SHBG: variants seen among roughly 807,000 people sequenced by gnomAD.
SHBG encodes the protein sex hormone-binding globulin.
SHBG carries 37 observed loss-of-function variants against 41.9 expected under a neutral mutation model. The ratio of observed to expected loss-of-function variants is 0.88; its 90% CI spans 0.68 to 1.16. SHBG has a LOEUF of 1.16. Among genes scored for constraint, SHBG ranks in the 50% most tolerant of loss-of-function variants. SHBG has a pLI of 0.00. For synonymous variants in SHBG, 217 were observed against 205.8 expected, an observed-to-expected ratio of 1.05 and a Z score of -0.47; for missense variants, 466 against 499.9, an observed-to-expected ratio of 0.93 and a Z score of 0.65.
chr17:7,618,222 C>CA (rs796397438), intron 1 of SHBG, among the ~76,000 whole-genome samples: 123 of 144,100 alleles, frequency 8.5e-4, no homozygotes, highest in African/African-American at 1.8e-3. Flanking sequence ...GATTCTGTCT[C>CA]AAAAAAAAAA....
intron 1 of SHBG, chr17:7,614,706 G>A (rs2071930295): frequency 3.3e-6 from 1 of 306,750 alleles, no homozygotes; most frequent in Non-Finnish European, 5.9e-6. Context: ...AGGGGGCCGG[G>A]GCCGGGCCGC....
At chr17:7,631,534 C>A in intron 4 of SHBG, 55 bp from the exon 5 acceptor site, 3 of 1,602,810 alleles carry the variant, frequency 1.9e-6, no homozygotes, top group Non-Finnish European at 2.6e-6. Flanking sequence ...GTCGGGACTG[C>A]GGCTCCGATG....
At chr17:7,615,899 G>C (rs2071975685) in intron 1 of SHBG, among the ~76,000 whole-genome samples, 1 of 151,908 alleles carries the variant, frequency 6.6e-6, no homozygotes, top group South Asian at 2.1e-4. Context: ...GACGGGCGCT[G>C]TGGCTCACTC....
chr17:7,631,288 CCAG>C lies in SHBG; in HGVS notation c.485_487del (p.Ser162del). On this transcript the variant is annotated inframe_deletion, in exon 4 of 8. Transcript: ENST00000380450. ...CTGAGACAGGTCTCTGGGCCCCTGA[CCAG>C]CAAACGCCATCCCATCATGAGGATT... 6.2e-7 allele frequency: 1 copy of C among 1,613,746 alleles called. No homozygotes were observed. The highest frequency in any genetic ancestry group is 8.5e-7 in the Non-Finnish European group (1 of 1,179,882).
upstream of SHBG, chr17:7,626,559 T>G (rs747915418): frequency 6.2e-7 from 1 of 1,614,202 alleles, no homozygotes; most frequent in Non-Finnish European, 8.5e-7. Flanking sequence ...CATGGCCCTC[T>G]GGTTCCAGTC....
At position 7,630,446 on chromosome 17, in the gene SHBG, A is replaced by G. The variant is rs769632350; in HGVS notation, c.142A>G (p.Ser48Gly). 1 of 1,614,082 alleles carries G rather than the reference A, an allele frequency of 6.2e-7. No individual in the cohort carries two copies. The highest frequency in any genetic ancestry group is 8.5e-7 in the Non-Finnish European group (1 of 1,180,014). ...SAHDPPAVHL[S>G]NGPGQEPIAV... Reference sequence around the variant, plus strand: ...CCACGACCCTCCGGCTGTCCACCTCAGCAATGGCCCAGGACAAGAGCCTAT... The same window carrying G: ...CCACGACCCTCCGGCTGTCCACCTCGGCAATGGCCCAGGACAAGAGCCTAT... Residue 48 changes from serine to glycine, a missense_variant, in exon 2 of 8, where the codon AGC becomes GGC. Ser to Gly is a moderately conservative substitution (Grantham distance 56, BLOSUM62 0). Transcript: ENST00000380450. The surrounding 1 kb of genome is among the most constrained non-coding windows in gnomAD (Gnocchi z 4.6).
At chr17:7,624,974 A>T (rs1183420008), upstream of SHBG, among the ~76,000 whole-genome samples, 9 of 60,072 alleles carry the variant, frequency 1.5e-4, no homozygotes, top group East Asian at 1.7e-3. Flanking sequence ...TTGGAGATGG[A>T]GTTTTGCTCT....
At chr17:7,626,346 A>C, upstream of SHBG, 1 of 1,337,554 alleles carries the variant, frequency 7.5e-7, no homozygotes, top group Non-Finnish European at 1.0e-6. Flanking sequence ...TCCTTCCTCC[A>C]GGGAGGCCTC....
At chr17:7,620,809 T>G (rs1056577050) in intron 1 of SHBG, among the ~76,000 whole-genome samples, 5 of 151,774 alleles carry the variant, frequency 3.3e-5, no homozygotes, top group Admixed American at 3.3e-4. Context: ...TTTTTTGTAT[T>G]TAGTAGAGAC....
rs557672512 is a variant in SHBG, at chr17:7,632,669, G to T, written c.853-83G>T. ...GGCATAGCGAAGAGGCAGAATTAAGGCAGCTAGGGGTGAGGCCACAGGCAG... is the reference window on the plus strand; with the variant it reads ...GGCATAGCGAAGAGGCAGAATTAAGTCAGCTAGGGGTGAGGCCACAGGCAG... On this transcript the variant is annotated intron_variant, in intron 6 of 7. Transcript: ENST00000380450. 5 of 1,048,914 alleles carry T rather than the reference G, an allele frequency of 4.8e-6. No homozygotes were observed. In the African/African-American group the frequency reaches 6.2e-5, roughly 13 times the overall value. The allele number at this position is 1,048,914 out of a possible 1,614,324, so 65.0% of individuals were successfully genotyped here.
intron 1 of SHBG, among the ~76,000 whole-genome samples, chr17:7,620,176 T>C (rs1053432896): frequency 6.6e-6 from 1 of 151,106 alleles, no homozygotes; most frequent in Non-Finnish European, 1.5e-5. Flanking sequence ...CAAGAAGTGG[T>C]AATACTGGCC....
At chr17:7,627,258 G>C, upstream of SHBG, 1 of 1,613,440 alleles carries the variant, frequency 6.2e-7, no homozygotes, top group Non-Finnish European at 8.5e-7. This position sits in a 1 kb window ranked among gnomAD's most constrained non-coding sequence, Gnocchi z 4.8. Context: ...CAAAGAGATA[G>C]AGAAAGAGGA....
upstream of SHBG, chr17:7,626,327 C>T: frequency 8.9e-7 from 1 of 1,127,504 alleles, no homozygotes; most frequent in Non-Finnish European, 1.3e-6. Context: ...GGATAGGCAC[C>T]CCTAACCCTC....
chr17:7,627,545 C>G, upstream of SHBG: 1 of 1,606,884 alleles, frequency 6.2e-7, no homozygotes, highest in East Asian at 2.2e-5. The surrounding 1 kb of genome is among the most constrained non-coding windows in gnomAD (Gnocchi z 4.8). Context: ...CTCTGACCCC[C>G]GGGTTACCGG....
chr17:7,616,936 C>CA (rs1020810031), intron 1 of SHBG, among the ~76,000 whole-genome samples: 1 of 151,900 alleles, frequency 6.6e-6, no homozygotes, highest in Non-Finnish European at 1.5e-5. Flanking sequence ...CACTCTGTCT[C>CA]AAAAAATAGT....
At chr17:7,626,486 G>A (rs1322925222), upstream of SHBG, 2 of 1,614,138 alleles carry the variant, frequency 1.2e-6, no homozygotes, top group Non-Finnish European at 1.7e-6. Flanking sequence ...CTCCTTGAAA[G>A]CAGAAGAAGT....
upstream of SHBG, chr17:7,627,473 G>C (rs2072251469): frequency 1.9e-6 from 3 of 1,609,004 alleles, no homozygotes; most frequent in South Asian, 3.3e-5. The surrounding 1 kb of genome is among the most constrained non-coding windows in gnomAD (Gnocchi z 4.8). Context: ...TCCCCGAGCA[G>C]GTTCCCAAGG....
upstream of SHBG, among the ~76,000 whole-genome samples, chr17:7,623,278 C>T (rs1305990258): frequency 1.3e-5 from 2 of 152,140 alleles, no homozygotes; most frequent in Non-Finnish European, 2.9e-5. Context: ...GTAATCCCAG[C>T]TACTCAGGAG....
intron 1 of SHBG, among the ~76,000 whole-genome samples, chr17:7,615,846 A>AAAAG (rs1034584604): frequency 2.0e-5 from 3 of 151,130 alleles, no homozygotes; most frequent in African/African-American, 7.3e-5. Flanking sequence ...AAAAAAAAAA[A>AAAAG]AAAGAAAGAA....
Sources: allele counts gnomAD v4.1 joint callset (sites outside exome capture counted in the v4.1 genomes callset), GRCh38; gene constraint gnomAD v4.1.1; non-coding constraint Gnocchi (gnomAD v3.1); transcripts MANE v1.5; gene names NCBI Gene and HGNC (gene_info 2026-07-23, HGNC 2026-07-21).